Variants in FNTB observed in about 807,000 individuals in gnomAD.
FNTB encodes the protein farnesyltransferase, CAAX box, subunit beta.
FNTB carries 27 observed loss-of-function variants against 59.4 expected under a neutral mutation model. That is an observed-to-expected ratio of 0.45 (90% confidence interval 0.34 to 0.63). The LOEUF (loss-of-function observed/expected upper bound fraction) is 0.63, where lower values mean the gene tolerates loss of function less well. Ranked by LOEUF, FNTB falls within the 20% of genes least tolerant of loss-of-function variation. The pLI, the probability that FNTB is intolerant of heterozygous loss-of-function variation, is 0.02. For missense variants in FNTB, 449 were observed against 559.6 expected (o/e 0.80, Z 1.99); for synonymous variants, 230 against 220.7 (o/e 1.04, Z -0.37).
Position 64,987,055 on chromosome 14 carries a change from G to A in FNTB, c.102G>A (p.Arg34=), listed in dbSNP as rs1162817683. The change falls in exon 1 of 12, where the codon CGG becomes CGA. Residue 34 remains arginine, a synonymous_variant. Coordinates refer to ENST00000246166, the MANE Select transcript of FNTB (RefSeq NM_002028.4). ...YSLRPEHARE[R]LQDDSVETVT... is the part of the protein sequence containing the mutation. ...TGAGGCCCGAGCACGCGCGAGAGCGGTTGCAGGACGACTCGGTGGAAACAG... is the reference window on the plus strand; with the variant it reads ...TGAGGCCCGAGCACGCGCGAGAGCGATTGCAGGACGACTCGGTGGAAACAG... 1.9e-6 allele frequency: 3 copies of A among 1,614,268 alleles called. No homozygotes were observed. The East Asian group carries it at 6.7e-5, about 36-fold the overall frequency.
chr14:65,046,078 G>A lies in FNTB; in HGVS notation c.955+1635G>A, dbSNP rs547938544. On this transcript the variant is annotated intron_variant, in intron 9 of 11. Transcript: ENST00000246166. Reference sequence around the variant, plus strand: ...TGCAACCTCTGCCCCCTGGGTTCAAGTAATTCTCCTGCCTTAGCCTCCTAA... The same window carrying A: ...TGCAACCTCTGCCCCCTGGGTTCAAATAATTCTCCTGCCTTAGCCTCCTAA... Among the ~76,000 whole-genome samples the A allele has an allele frequency of 1.0e-3, 156 of 152,318 alleles. 1 individual carries two copies. Among genetic ancestry groups the A allele is most frequent in the African/African-American group, 3.4e-3 (142 of 41,572 alleles).
chr14:65,021,613 A>C (rs1039378864), intron 4 of FNTB, among the ~76,000 whole-genome samples: 4 of 152,110 alleles, frequency 2.6e-5, no homozygotes, highest in African/African-American at 9.7e-5. Flanking sequence ...ACTGAGCCCC[A>C]GTGTCAACAG....
Position 64,987,026 on chromosome 14 carries a change from A to G in FNTB, c.73A>G (p.Ser25Gly). The G allele has an allele frequency of 6.2e-7, 1 of 1,614,160 alleles. No individual in the cohort carries two copies. The highest frequency in any genetic ancestry group is 1.3e-5 in the African/African-American group (1 of 75,018). Residue 25 changes from serine to glycine, a missense_variant, in exon 1 of 12, where the codon AGT becomes GGT. Transcript: ENST00000246166. ...CCCCGTCTGGTCAGAGCCGCTGTAC[A>G]GTCTGAGGCCCGAGCACGCGCGAGA... ...SSPVWSEPLY[S>G]LRPEHARERL...
At chr14:65,043,905 C>T (rs987861039) in intron 8 of FNTB, among the ~76,000 whole-genome samples, 1 of 150,822 alleles carries the variant, frequency 6.6e-6, no homozygotes, top group Non-Finnish European at 1.5e-5. Context: ...AATAAACTCC[C>T]CGGAGCAGGG....
rs2062000541 is a variant in FNTB at position 65,027,254 on chromosome 14, G to A, written c.375-199G>A. The A allele has an allele frequency of 8.6e-6, 7 of 817,262 alleles. No homozygotes were observed. Among genetic ancestry groups the A allele is most frequent in the Non-Finnish European group, 1.3e-5 (7 of 538,022 alleles). 50.6% of individuals were successfully genotyped at this position (817,262 alleles called of 1,614,324 possible). ...GCGCTTAAGTACGAAACTCAGAGGAGGGCAGACAGAAATGATGATAGCTGG... is the reference window on the plus strand; with the variant it reads ...GCGCTTAAGTACGAAACTCAGAGGAAGGCAGACAGAAATGATGATAGCTGG... On this transcript the variant is annotated intron_variant, in intron 4 of 11. Coordinates refer to ENST00000246166, the MANE Select transcript of FNTB (RefSeq NM_002028.4). The surrounding 1 kb of genome is among the most constrained non-coding windows in gnomAD (Gnocchi z 5.7).
At chr14:65,025,576 A>AGGTCTGAG (rs2061964690) in intron 4 of FNTB, among the ~76,000 whole-genome samples, 1 of 152,178 alleles carries the variant, frequency 6.6e-6, no homozygotes, top group African/African-American at 2.4e-5. Flanking sequence ...GCACTTTGGG[A>AGGTCTGAG]GTCCGAGGTG....
intron 1 of FNTB, chr14:64,987,399 C>G (rs1594975846): frequency 2.2e-6 from 1 of 452,144 alleles, no homozygotes; most frequent in Non-Finnish European, 4.1e-6. Context: ...AGAGGCAGCC[C>G]GTGCGGGTCG....
intron 1 of FNTB, among the ~76,000 whole-genome samples, chr14:64,992,655 G>T (rs1888245393): frequency 6.6e-6 from 1 of 152,054 alleles, no homozygotes; most frequent in South Asian, 2.1e-4. Context: ...GTCTCACTTT[G>T]TCGCCCAGGC....
At chr14:65,004,161 A>G in intron 1 of FNTB, 88 bp from the exon 2 acceptor site, 4 of 1,452,688 alleles carry the variant, frequency 2.8e-6, no homozygotes, top group East Asian at 2.3e-5. Context: ...ACCCTCGCCA[A>G]TAGGCATTTG....
At position 65,032,816 on chromosome 14, in the gene FNTB, A is replaced by T. The variant is rs1373718624; in HGVS notation, c.692+120A>T. 1 of 860,006 alleles carries T rather than the reference A, an allele frequency of 1.2e-6. No homozygotes were observed. Among genetic ancestry groups the T allele is most frequent in the Admixed American group, 3.5e-5 (1 of 28,210 alleles). 53.3% of individuals were successfully genotyped at this position (860,006 alleles called of 1,614,324 possible). On this transcript the variant is annotated intron_variant, in intron 7 of 11. Transcript: ENST00000246166. This position sits in a 1 kb window ranked among gnomAD's most constrained non-coding sequence, Gnocchi z 5.0. ...GAAATACAAAAATCACAGGAGATCC[A>T]TTAGGGTTATCTAATGATTTTTTTA...
At chr14:65,004,043 C>T (rs1160513679) in intron 1 of FNTB, among the ~76,000 whole-genome samples, 1 of 152,148 alleles carries the variant, frequency 6.6e-6, no homozygotes, top group Middle Eastern at 3.2e-3. Context: ...TGGAAAAGTC[C>T]ATTGTGATGC....
chr14:65,049,472 T>C (rs1406674197), intron 9 of FNTB, among the ~76,000 whole-genome samples: 6 of 152,222 alleles, frequency 3.9e-5, no homozygotes, highest in Non-Finnish European at 5.9e-5. Context: ...TGTGCAGTTA[T>C]CACCCTATAA....
Position 65,053,321 on chromosome 14 carries a change from G to C in FNTB, c.1039G>C (p.Ala347Pro), listed in dbSNP as rs773579351. 1.7e-5 allele frequency: 24 copies of C among 1,442,378 alleles called. No individual in the cohort carries two copies. 89.3% of individuals were successfully genotyped at this position (1,442,378 alleles called of 1,614,324 possible). Reference sequence around the variant, plus strand: ...CATCCTGATGTGCTGCCAGTGCCCTGCGGGGGGGCTTCTGGATAAACCTGG... The same window carrying C: ...CATCCTGATGTGCTGCCAGTGCCCTCCGGGGGGGCTTCTGGATAAACCTGG... Reference protein sequence around the residue: ...EYILMCCQCPAGGLLDKPGKS... With the variant: ...EYILMCCQCPPGGLLDKPGKS... The change falls in exon 10 of 12, where the codon GCG becomes CCG. Residue 347 changes from alanine to proline, a missense_variant. This residue lies in a region of FNTB where 337 missense variants were observed against 479.1 expected (regional missense o/e 0.70). Coordinates refer to ENST00000246166, the MANE Select transcript of FNTB (RefSeq NM_002028.4).
intron 3 of FNTB, among the ~76,000 whole-genome samples, chr14:65,015,142 G>T (rs372015985): frequency 6.8e-6 from 1 of 146,682 alleles, no homozygotes; most frequent in Non-Finnish European, 1.5e-5. Context: ...TTGCTCTGTC[G>T]CCTAGGCTGG....
chr14:65,054,770 T>C lies in FNTB; in HGVS notation c.1182+81T>C. The C allele has an allele frequency of 6.9e-7, 1 of 1,447,434 alleles. No homozygotes were observed. Among genetic ancestry groups the C allele is most frequent in the South Asian group, 1.2e-5 (1 of 80,888 alleles). The allele number at this position is 1,447,434 out of a possible 1,614,324, so 89.7% of individuals were successfully genotyped here. On this transcript the variant is annotated intron_variant, in intron 11 of 11. Coordinates refer to ENST00000246166, the MANE Select transcript of FNTB (RefSeq NM_002028.4). The surrounding 1 kb of genome is among the most constrained non-coding windows in gnomAD (Gnocchi z 4.4). Reference sequence around the variant, plus strand: ...GGCTTTCCAAGTAAGCAGAACTGGCTCTGCATTTCCTGTGTGGACAGGCGG... The same window carrying C: ...GGCTTTCCAAGTAAGCAGAACTGGCCCTGCATTTCCTGTGTGGACAGGCGG...
Position 65,053,285 on chromosome 14 carries a change from C to A in FNTB, c.1003C>A (p.Leu335Met). The change falls in exon 10 of 12, where the codon CTG (leucine) becomes ATG (methionine). Residue 335 changes from leucine (L) to methionine (M), a missense_variant. Coordinates refer to ENST00000246166, the MANE Select transcript of FNTB (RefSeq NM_002028.4). ...CCACTGGATGTTCCATCAGCAGGCC[C>A]TGCAGGAGTACATCCTGATGTGCTG... ...MSHWMFHQQA[L>M]QEYILMCCQC... 1 of 1,468,568 alleles carries A rather than the reference C, an allele frequency of 6.8e-7. No homozygotes were observed. Among genetic ancestry groups the A allele is most frequent in the Non-Finnish European group, 9.1e-7 (1 of 1,102,270 alleles). The allele number at this position is 1,468,568 out of a possible 1,614,324, so 91.0% of individuals were successfully genotyped here.
intron 4 of FNTB, among the ~76,000 whole-genome samples, chr14:65,020,543 G>A (rs368393538): frequency 2.4e-4 from 36 of 148,748 alleles, no homozygotes; most frequent in African/African-American, 8.7e-4. Flanking sequence ...CTCCTGCCTC[G>A]GCCTCCCGAG....
intron 10 of FNTB, among the ~76,000 whole-genome samples, chr14:65,053,623 T>G (rs190002523): frequency 8.3e-6 from 1 of 120,062 alleles, no homozygotes; most frequent in Non-Finnish European, 1.6e-5. Context: ...CTCTTCTTTT[T>G]TTTAAAAAAA....
Position 65,032,127 on chromosome 14 carries a change from G to C in FNTB, c.606-483G>C, listed in dbSNP as rs938032068. Among the ~76,000 whole-genome samples, 5 of 151,890 alleles carry C rather than the reference G, an allele frequency of 3.3e-5. No individual in the cohort carries two copies. Among genetic ancestry groups the C allele is most frequent in the Non-Finnish European group, 7.4e-5 (5 of 67,982 alleles). ...TCCTTGTTTGATCTATTACAATTTG[G>C]TGGCCTGTTTTGCAGTTTATCTGTT... On this transcript the variant is annotated intron_variant, in intron 6 of 11. Coordinates refer to ENST00000246166, the MANE Select transcript of FNTB (RefSeq NM_002028.4). The surrounding 1 kb of genome is among the most constrained non-coding windows in gnomAD (Gnocchi z 5.0).
Sources: gnomAD v4.1 joint callset for allele counts (sites outside exome capture counted in the v4.1 genomes callset) on GRCh38, gnomAD v4.1.1 for gene constraint, gnomAD v4.1.1 regional missense constraint, Gnocchi (gnomAD v3.1) non-coding constraint, MANE v1.5 for transcripts, NCBI Gene and HGNC (gene_info 2026-07-23, HGNC 2026-07-21) for gene names.